Variants in ZNHIT6 observed in about 807,000 individuals in gnomAD.
ZNHIT6 encodes the protein zinc finger HIT-type containing 6.
In ZNHIT6, 45 loss-of-function variants were observed where a neutral mutation model predicts 57.2. The ratio of observed to expected loss-of-function variants is 0.79; its 90% CI spans 0.62 to 1.01. The LOEUF (loss-of-function observed/expected upper bound fraction) is 1.01, where lower values mean the gene tolerates loss of function less well. Ranked by LOEUF, ZNHIT6 falls within the 50% of genes least tolerant of loss-of-function variation. The probability of loss-of-function intolerance (pLI) is 0.00; values close to 1 mark genes in which losing one functional copy is unlikely to be tolerated. For synonymous variants in ZNHIT6, 188 were observed against 190.0 expected (o/e 0.99, Z 0.09); for missense variants, 528 against 567.3 (o/e 0.93, Z 0.70).
At chr1:85,657,779 G>A in intron 9 of ZNHIT6, 68 bp downstream of exon 9, 1 of 1,432,420 alleles carries the variant, frequency 7.0e-7, no homozygotes, top group Admixed American at 1.9e-5. Flanking sequence ...AAGAAATAAG[G>A]GTGGACATAT....
chr1:85,679,449 C>T (rs1661798300), intron 6 of ZNHIT6, among the ~76,000 whole-genome samples: 1 of 151,230 alleles, frequency 6.6e-6, no homozygotes, highest in African/African-American at 2.4e-5. Context: ...CCTTTGACAA[C>T]TACAAAGAGA....
chr1:85,702,380 A>C, intron 4 of ZNHIT6, 120 bp from the exon 5 acceptor site: 1 of 632,018 alleles, frequency 1.6e-6, no homozygotes, highest in Non-Finnish European at 2.8e-6. Flanking sequence ...CAACAGCTCT[A>C]AGCAGTAATC....
At chr1:85,679,168 T>C (rs1661791060) in intron 6 of ZNHIT6, among the ~76,000 whole-genome samples, 1 of 152,200 alleles carries the variant, frequency 6.6e-6, no homozygotes. Flanking sequence ...TCAAATTTAC[T>C]CATTCTAATT....
chr1:85,696,929 C>T (rs1047779541), intron 5 of ZNHIT6, among the ~76,000 whole-genome samples: 10 of 147,946 alleles, frequency 6.8e-5, no homozygotes, highest in South Asian at 2.1e-4. Flanking sequence ...GGCGCAATCT[C>T]GGCTCACTGC....
intron 9 of ZNHIT6, among the ~76,000 whole-genome samples, chr1:85,654,412 A>G (rs1159636457): frequency 1.3e-5 from 2 of 152,214 alleles, no homozygotes; most frequent in Non-Finnish European, 2.9e-5. Flanking sequence ...TATCCTGGCC[A>G]GCCACTTGTG....
rs1019070781 is a variant in ZNHIT6, at chr1:85,653,693, T to C, written c.*365A>G. ...TGAGAGGACCATTCGAGCCCAGGAA[T>C]TTGAGGAAGCTATGCTCATACCACT... On this transcript the variant is annotated 3_prime_UTR_variant, in exon 10 of 10. Coordinates refer to ENST00000370574, the MANE Select transcript of ZNHIT6 (RefSeq NM_017953.4). 6.2e-6 allele frequency: 1 copy of C among 161,402 alleles called. No individual in the cohort carries two copies. Among genetic ancestry groups the C allele is most frequent in the Non-Finnish European group, 1.3e-5 (1 of 74,618 alleles). The allele number at this position is 161,402 out of a possible 1,614,324, so 10.0% of individuals were successfully genotyped here. A position where few individuals can be genotyped will look rare whatever the true frequency, so the allele number is the denominator to read the frequency against.
At chr1:85,665,687 T>C (rs1661351540) in intron 8 of ZNHIT6, among the ~76,000 whole-genome samples, 1 of 152,204 alleles carries the variant, frequency 6.6e-6, no homozygotes, top group Non-Finnish European at 1.5e-5. Context: ...TTAATCTTGC[T>C]AACAAAACAT....
chr1:85,681,288 T>C (rs1004615437), intron 5 of ZNHIT6, among the ~76,000 whole-genome samples: 2 of 152,200 alleles, frequency 1.3e-5, no homozygotes, highest in Non-Finnish European at 2.9e-5. Flanking sequence ...TGGCTGGAGA[T>C]ACACTTCTGA....
chr1:85,668,759 A>C (rs996611847), intron 8 of ZNHIT6, among the ~76,000 whole-genome samples: 5 of 152,200 alleles, frequency 3.3e-5, no homozygotes, highest in Non-Finnish European at 7.4e-5. Context: ...CTAATCTTTA[A>C]GGAGGTAAAA....
intron 8 of ZNHIT6, among the ~76,000 whole-genome samples, chr1:85,662,632 T>C (rs911167583): frequency 2.0e-5 from 3 of 152,218 alleles, no homozygotes; most frequent in Non-Finnish European, 2.9e-5. Context: ...GATTTTGCCA[T>C]AGTTAATCTT....
rs199597725 is a variant in ZNHIT6 at position 85,698,141 on chromosome 1, C to T, written c.1019+4016G>A. Among the ~76,000 whole-genome samples, 3 of 152,168 alleles carry T rather than the reference C, an allele frequency of 2.0e-5. No individual in the cohort carries two copies. The East Asian group carries it at 5.8e-4, about 29-fold the overall frequency. ...TCCCTGAACTGAACTTTATTGATTA[C>T]AGCTATCCACTGTGGTACTCCTGCA... On this transcript the variant is annotated intron_variant, in intron 5 of 9. Coordinates refer to ENST00000370574, the MANE Select transcript of ZNHIT6 (RefSeq NM_017953.4).
At chr1:85,668,632 T>A (rs1409904571) in intron 8 of ZNHIT6, among the ~76,000 whole-genome samples, 1 of 152,228 alleles carries the variant, frequency 6.6e-6, no homozygotes, top group Non-Finnish European at 1.5e-5. Flanking sequence ...TTAACACACA[T>A]CTTATAAATT....
intron 1 of ZNHIT6, among the ~76,000 whole-genome samples, chr1:85,706,894 CCAGA>C (rs1052130617): frequency 5.4e-4 from 82 of 152,188 alleles, no homozygotes; most frequent in Middle Eastern, 6.8e-3. Context: ...AAAGCACACA[CCAGA>C]CAAAGAATAT....
chr1:85,653,979 C>A lies in ZNHIT6; in HGVS notation c.*79G>T. The stretch of plus-strand genomic sequence containing the variant: ...TTCCAATCACCCATTGACAATACCC[C>A]AATCAGCCAACAGCCCATCAATGCA... On this transcript the variant is annotated 3_prime_UTR_variant, in exon 10 of 10. Coordinates refer to ENST00000370574, the MANE Select transcript of ZNHIT6 (RefSeq NM_017953.4). 8.4e-7 allele frequency: 1 copy of A among 1,186,946 alleles called. No individual in the cohort carries two copies. The highest frequency in any genetic ancestry group is 1.2e-6 in the Non-Finnish European group (1 of 815,938). 73.5% of individuals were successfully genotyped at this position (1,186,946 alleles called of 1,614,324 possible).
At chr1:85,658,111 T>G (rs903366590) in intron 8 of ZNHIT6, 140 bp from the exon 9 acceptor site, 13 of 528,720 alleles carry the variant, frequency 2.5e-5, no homozygotes, top group African/African-American at 2.4e-4. Flanking sequence ...TATAGCATAG[T>G]AAGTTTAATA....
In ZNHIT6 at chr1:85,678,779, A is replaced by C; in HGVS notation, c.1091T>G (p.Val364Gly). Residue 364 changes from valine to glycine, a missense_variant and splice_region_variant, in exon 7 of 10, where the codon GTA becomes GGA. Physicochemically the swap from Val to Gly is moderately radical, Grantham distance 109. Coordinates refer to ENST00000370574, the MANE Select transcript of ZNHIT6 (RefSeq NM_017953.4). The part of the protein sequence containing the change: ...QSQAEYIEKR[V>G]PDDKTINEIL... ...TTCATTAATAGTTTTATCATCTGGT[A>C]CTCTTTACAACAAAGAAAAAAAAAC... 6.7e-7 allele frequency: 1 copy of C among 1,491,368 alleles called. No individual in the cohort carries two copies. The highest frequency in any genetic ancestry group is 9.1e-7 in the Non-Finnish European group (1 of 1,103,492). 92.4% of individuals were successfully genotyped at this position (1,491,368 alleles called of 1,614,324 possible).
At chr1:85,686,736 A>C (rs965598685) in intron 5 of ZNHIT6, among the ~76,000 whole-genome samples, 2 of 152,164 alleles carry the variant, frequency 1.3e-5, no homozygotes, top group Non-Finnish European at 2.9e-5. Flanking sequence ...CACAATTTTC[A>C]TATGAAAGCT....
intron 5 of ZNHIT6, among the ~76,000 whole-genome samples, chr1:85,699,564 T>C (rs576918540): frequency 3.7e-4 from 57 of 152,248 alleles, no homozygotes; most frequent in African/African-American, 1.4e-3. Flanking sequence ...TTTGGTAATA[T>C]TCAACAAAAG....
At chr1:85,699,135 T>A (rs564761895) in intron 5 of ZNHIT6, among the ~76,000 whole-genome samples, 1 of 152,222 alleles carries the variant, frequency 6.6e-6, no homozygotes, top group South Asian at 2.1e-4. Context: ...TGAAAACTAG[T>A]CTCTTAGAAT....
Sources: allele counts gnomAD v4.1 joint callset (sites outside exome capture counted in the v4.1 genomes callset), GRCh38; gene constraint gnomAD v4.1.1; transcripts MANE v1.5; gene names NCBI Gene and HGNC (gene_info 2026-07-23, HGNC 2026-07-21).